Variants in DRC8 observed in about 807,000 individuals in gnomAD.
DRC8 encodes dynein regulatory complex protein 8.
the DRC8 span, among the ~76,000 whole-genome samples, chr1:245,016,537 C>T: frequency 6.6e-6 from 1 of 152,176 alleles, no homozygotes; most frequent in East Asian, 1.9e-4. Context: ...CTCTATTTCT[C>T]ACACCATTTG....
chr1:244,979,895 T>C, the DRC8 span, among the ~76,000 whole-genome samples: 13 of 151,460 alleles, frequency 8.6e-5, no homozygotes, highest in African/African-American at 2.2e-4. Context: ...TCTTAAAGCA[T>C]TGGTGAGTGA....
the DRC8 span, chr1:244,970,638 T>TCCGCC: frequency 3.2e-3 from 1,561 of 486,396 alleles, 40 homozygotes; most frequent in African/African-American, 0.037. Flanking sequence ...GGCCCGCCGC[T>TCCGCC]CCGCCCCGCC....
chr1:245,034,817 TG>T, the DRC8 span, among the ~76,000 whole-genome samples: 1 of 148,878 alleles, frequency 6.7e-6, no homozygotes, highest in Non-Finnish European at 1.5e-5. Flanking sequence ...ACAGAATTAA[TG>T]GGGTTGGGAA....
At chr1:245,081,799 C>T in the DRC8 span, among the ~76,000 whole-genome samples, 1 of 152,138 alleles carries the variant, frequency 6.6e-6, no homozygotes, top group Non-Finnish European at 1.5e-5. Context: ...TCTTACAGAC[C>T]CATGCTCCTT....
the DRC8 span, chr1:245,086,660 C>T: frequency 5.9e-6 from 3 of 512,706 alleles, no homozygotes; most frequent in South Asian, 4.4e-5. Context: ...GTTGCTGCTT[C>T]TATGCCAGGT....
the DRC8 span, among the ~76,000 whole-genome samples, chr1:245,077,751 G>A: frequency 6.6e-6 from 1 of 152,174 alleles, no homozygotes; most frequent in Non-Finnish European, 1.5e-5. Flanking sequence ...TTAAATGTGA[G>A]ACTTGGAGCC....
the DRC8 span, among the ~76,000 whole-genome samples, chr1:245,099,656 C>T: frequency 6.6e-6 from 1 of 152,228 alleles, no homozygotes; most frequent in Admixed American, 6.5e-5. Flanking sequence ...AGCCCCAGTT[C>T]TGTGGGACTC....
chr1:244,996,019 C>G, the DRC8 span, among the ~76,000 whole-genome samples: 16 of 152,208 alleles, frequency 1.1e-4, no homozygotes, highest in Non-Finnish European at 1.9e-4. Flanking sequence ...AAATTACCCC[C>G]AAAACTTAGT....
the DRC8 span, among the ~76,000 whole-genome samples, chr1:245,018,898 G>C: frequency 6.6e-6 from 1 of 152,144 alleles, no homozygotes; most frequent in African/African-American, 2.4e-5. Flanking sequence ...TGTCACACCA[G>C]GTTTCTCTAA....
At chr1:245,087,187 G>T in the DRC8 span, 1 of 1,579,864 alleles carries the variant, frequency 6.3e-7, no homozygotes. Context: ...CTGGCTAGTG[G>T]AAAGAGAAAA....
the DRC8 span, among the ~76,000 whole-genome samples, chr1:245,093,697 C>CAAA: frequency 4.4e-5 from 3 of 68,436 alleles, no homozygotes; most frequent in African/African-American, 4.8e-5. Flanking sequence ...CTCCATCTCA[C>CAAA]AAAAAAAAAA....
the DRC8 span, among the ~76,000 whole-genome samples, chr1:245,023,498 G>T: frequency 2.6e-5 from 4 of 152,198 alleles, no homozygotes; most frequent in South Asian, 4.1e-4. Flanking sequence ...CACCAGCAAT[G>T]CCCAGAGATT....
At chr1:244,970,676 C>CCCGCCTCTCTCCCCCGCCCCGCT in the DRC8 span, 1 of 420,728 alleles carries the variant, frequency 2.4e-6, no homozygotes, top group South Asian at 3.0e-5. Flanking sequence ...CCCGCCCCGC[C>CCCGCCTCTCTCCCCCGCCCCGCT]CCGCCTCTCT....
At chr1:245,023,435 A>G in the DRC8 span, among the ~76,000 whole-genome samples, 3 of 152,142 alleles carry the variant, frequency 2.0e-5, no homozygotes, top group African/African-American at 7.2e-5. Context: ...TGTGTTTGAT[A>G]TTTGAGGAAC....
chr1:245,055,148 C>T, the DRC8 span, among the ~76,000 whole-genome samples: 7 of 152,150 alleles, frequency 4.6e-5, no homozygotes, highest in East Asian at 1.9e-4. Context: ...TGTCATCTCT[C>T]GAGGCTGCTC....
the DRC8 span, among the ~76,000 whole-genome samples, chr1:245,114,379 T>G: frequency 6.6e-6 from 1 of 151,832 alleles, no homozygotes; most frequent in Non-Finnish European, 1.5e-5. Context: ...GCAGAAGAAT[T>G]GCTTGAAACC....
At chr1:245,039,472 CT>C in the DRC8 span, among the ~76,000 whole-genome samples, 1 of 127,048 alleles carries the variant, frequency 7.9e-6, no homozygotes, top group African/African-American at 3.3e-5. Flanking sequence ...GACGCTGCCT[CT>C]TAAAAAAAAA....
the DRC8 span, among the ~76,000 whole-genome samples, chr1:244,991,181 A>G: frequency 6.6e-6 from 1 of 152,196 alleles, no homozygotes; most frequent in Non-Finnish European, 1.5e-5. Flanking sequence ...TCAAGGAAAC[A>G]CTTTGTTTAA....
the DRC8 span, among the ~76,000 whole-genome samples, chr1:245,021,328 A>G: frequency 6.6e-6 from 1 of 152,126 alleles, no homozygotes; most frequent in Non-Finnish European, 1.5e-5. Context: ...TTTGAGAACC[A>G]CTATTGTGAG....
Sources: gnomAD v4.1 joint callset for allele counts (sites outside exome capture counted in the v4.1 genomes callset) on GRCh38, gnomAD v4.1.1 for gene constraint, MANE v1.5 for transcripts, NCBI Gene and HGNC (gene_info 2026-07-23, HGNC 2026-07-21) for gene names.